The following TSC22D2 variants were observed in gnomAD, a reference collection of about 807,000 sequenced individuals.
The protein encoded by TSC22D2 is TSC22 domain family member 2.
Under a neutral mutation model 50.1 loss-of-function variants are expected in TSC22D2, and 5 were observed. The observed-to-expected ratio is 0.10, with a 90% CI of 0.05 to 0.21. The LOEUF (loss-of-function observed/expected upper bound fraction) is 0.21, where lower values mean the gene tolerates loss of function less well. TSC22D2 is among the 10% of genes least tolerant of loss of function. TSC22D2 has a pLI of 1.00. For synonymous variants in TSC22D2, 501 were observed against 450.1 expected (o/e 1.11, Z -1.43); for missense variants, 1,003 against 1,015.5 (o/e 0.99, Z 0.17).
At chr3:150,457,233 A>C in intron 2 of TSC22D2, 106 bp downstream of exon 2, 1 of 1,038,196 alleles carries the variant, frequency 9.6e-7, no homozygotes, top group Non-Finnish European at 1.4e-6. Flanking sequence ...ACCAAAGATG[A>C]CCAAATCATG....
intron 1 of TSC22D2, among the ~76,000 whole-genome samples, chr3:150,435,477 AT>A (rs1380966101): frequency 1.1e-4 from 16 of 152,086 alleles, no homozygotes; most frequent in African/African-American, 3.9e-4. Context: ...CCCTTTCTCC[AT>A]TTAAAACTAA....
chr3:150,425,979 T>G (rs1720171368), intron 1 of TSC22D2, among the ~76,000 whole-genome samples: 1 of 152,240 alleles, frequency 6.6e-6, no homozygotes. Flanking sequence ...TATCCAGTGC[T>G]TTACTCAGTT....
chr3:150,449,457 T>A (rs1390440470), intron 1 of TSC22D2, among the ~76,000 whole-genome samples: 1 of 152,174 alleles, frequency 6.6e-6, no homozygotes, highest in Non-Finnish European at 1.5e-5. Flanking sequence ...TATAAGCAAA[T>A]CAATGTATAT....
At chr3:150,440,197 A>G in intron 1 of TSC22D2, among the ~76,000 whole-genome samples, 1 of 152,176 alleles carries the variant, frequency 6.6e-6, no homozygotes, top group East Asian at 1.9e-4. Flanking sequence ...GGGTATCAGT[A>G]TGCTGGTATC....
chr3:150,456,865 A>G lies in TSC22D2; in HGVS notation c.1959-211A>G, dbSNP rs922758048. 4 of 521,074 alleles carry G rather than the reference A, an allele frequency of 7.7e-6. No homozygotes were observed. In the African/African-American group the frequency reaches 7.9e-5, roughly 10 times the overall value. The allele number at this position is 521,074 out of a possible 1,614,324, so 32.3% of individuals were successfully genotyped here. On this transcript the variant is annotated intron_variant, in intron 1 of 2. Transcript: ENST00000688009. ...TTACAGGCAAATTAGAAATGTTGGCACTACAAAGGACCTGTAGAAATCATC... is the reference window on the plus strand; with the variant it reads ...TTACAGGCAAATTAGAAATGTTGGCGCTACAAAGGACCTGTAGAAATCATC...
At chr3:150,454,111 G>C (rs377278726) in intron 1 of TSC22D2, among the ~76,000 whole-genome samples, 2 of 152,124 alleles carry the variant, frequency 1.3e-5, no homozygotes, top group South Asian at 2.1e-4. Context: ...AAAAGTTTGC[G>C]AAGATTGGTA....
At chr3:150,423,906 ACT>A (rs1300965741) in intron 1 of TSC22D2, among the ~76,000 whole-genome samples, 13 of 152,056 alleles carry the variant, frequency 8.5e-5, no homozygotes, top group African/African-American at 3.1e-4. Context: ...GATTCTTTTA[ACT>A]CTGCCTGGCA....
chr3:150,408,994 G>T lies in TSC22D2; in HGVS notation c.-357G>T. The T allele has an allele frequency of 5.0e-6, 1 of 201,926 alleles. No individual in the cohort carries two copies. The highest frequency in any genetic ancestry group is 1.0e-5 in the Non-Finnish European group (1 of 96,548). The allele number at this position is 201,926 out of a possible 1,614,324, so 12.5% of individuals were successfully genotyped here. A position where few individuals can be genotyped will look rare whatever the true frequency, so the allele number is the denominator to read the frequency against. On this transcript the variant is annotated 5_prime_UTR_variant, in exon 1 of 3. Coordinates refer to ENST00000688009, the MANE Select transcript of TSC22D2 (RefSeq NM_001303264.2). Reference sequence around the variant, plus strand: ...CCGAGCGCCGAGCTGGACTGACCACGGCTGCCCGGAGACGAGAGAGGAAGC... The same window carrying T: ...CCGAGCGCCGAGCTGGACTGACCACTGCTGCCCGGAGACGAGAGAGGAAGC...
chr3:150,461,797 G>A lies in TSC22D2; in HGVS notation c.*3161G>A, dbSNP rs1432439915. The A allele has an allele frequency of 6.6e-6, 1 of 151,812 alleles. No homozygotes were observed. The highest frequency in any genetic ancestry group is 2.4e-5 in the African/African-American group (1 of 41,314). 9.4% of individuals were successfully genotyped at this position (151,812 alleles called of 1,614,324 possible). A position where few individuals can be genotyped will look rare whatever the true frequency, so the allele number is the denominator to read the frequency against. ...CCATTATTCACAAGAATTTTCACAG[G>A]TGAATGATTATATTTCTCCAAGTTG... is the stretch of plus-strand genomic sequence containing the variant. On this transcript the variant is annotated 3_prime_UTR_variant, in exon 3 of 3. Transcript: ENST00000688009.
In TSC22D2 at chr3:150,458,906, C is replaced by T; in HGVS notation, c.*270C>T. On this transcript the variant is annotated 3_prime_UTR_variant, in exon 3 of 3. Transcript: ENST00000688009. ...CAAAGTCTGCATTTTACCTGGTGCG[C>T]ATGAGTGGGGTCTTTAAGAGTTTTG... 2.8e-6 allele frequency: 1 copy of T among 353,240 alleles called. No homozygotes were observed. Among genetic ancestry groups the T allele is most frequent in the East Asian group, 4.8e-5 (1 of 20,622 alleles). The allele number at this position is 353,240 out of a possible 1,614,324, so 21.9% of individuals were successfully genotyped here. A position where few individuals can be genotyped will look rare whatever the true frequency, so the allele number is the denominator to read the frequency against.
intron 1 of TSC22D2, among the ~76,000 whole-genome samples, chr3:150,450,152 G>A (rs909828336): frequency 8.6e-4 from 131 of 152,024 alleles, no homozygotes; most frequent in Admixed American, 8.6e-3. Context: ...TTTAATCTAC[G>A]CTTTACTGGC....
chr3:150,436,322 C>T (rs532791357), intron 1 of TSC22D2, among the ~76,000 whole-genome samples: 1 of 151,944 alleles, frequency 6.6e-6, no homozygotes, highest in Admixed American at 6.6e-5. Flanking sequence ...AAGCATTTAC[C>T]GTAACAAGGC....
Position 150,459,321 on chromosome 3 carries a change from G to C in TSC22D2, c.*685G>C, listed in dbSNP as rs1396867681. 1 of 152,576 alleles carries C rather than the reference G, an allele frequency of 6.6e-6. No individual in the cohort carries two copies. The highest frequency in any genetic ancestry group is 2.4e-5 in the African/African-American group (1 of 41,446). 9.5% of individuals were successfully genotyped at this position (152,576 alleles called of 1,614,324 possible). A position where few individuals can be genotyped will look rare whatever the true frequency, so the allele number is the denominator to read the frequency against. Reference sequence around the variant, plus strand: ...TGAATGTAAATTTTGTATAGTGTAAGTATGAAGAACATAGTGCAACTGTAC... The same window carrying C: ...TGAATGTAAATTTTGTATAGTGTAACTATGAAGAACATAGTGCAACTGTAC... On this transcript the variant is annotated 3_prime_UTR_variant, in exon 3 of 3. Transcript: ENST00000688009.
At chr3:150,442,508 T>G (rs1387496769) in intron 1 of TSC22D2, among the ~76,000 whole-genome samples, 4 of 152,246 alleles carry the variant, frequency 2.6e-5, no homozygotes, top group Non-Finnish European at 5.9e-5. Context: ...TCTTGTGTAT[T>G]TCATGACATT....
intron 1 of TSC22D2, among the ~76,000 whole-genome samples, chr3:150,453,869 A>G (rs12488333): frequency 0.096 from 14,551 of 152,236 alleles, 921 homozygotes; most frequent in South Asian, 0.29. Flanking sequence ...GCTCAATCTA[A>G]TAGGATCAAC....
At chr3:150,449,428 A>G (rs909837945) in intron 1 of TSC22D2, among the ~76,000 whole-genome samples, 2 of 152,158 alleles carry the variant, frequency 1.3e-5, no homozygotes, top group African/African-American at 4.8e-5. Context: ...TAATGTGTGT[A>G]TATCCTTCTT....
intron 1 of TSC22D2, among the ~76,000 whole-genome samples, chr3:150,447,547 C>G (rs1175469387): frequency 1.3e-5 from 2 of 152,088 alleles, no homozygotes; most frequent in East Asian, 3.9e-4. Context: ...AATTTCTTTT[C>G]TCGTCTTTAT....
chr3:150,443,379 T>C lies in TSC22D2; in HGVS notation c.1959-13697T>C, dbSNP rs376055258. ...TTCATAGCTGCTATAATCAAGAATG[T>C]GGTTTCCAGTTCATGGCCGTAAGTC... On this transcript the variant is annotated intron_variant, in intron 1 of 2. Transcript: ENST00000688009. Among the ~76,000 whole-genome samples the C allele has an allele frequency of 1.2e-3, 183 of 152,358 alleles. 1 individual carries two copies. In the South Asian group the frequency reaches 0.023, roughly 19 times the overall value.
At chr3:150,445,678 G>T (rs1162268364) in intron 1 of TSC22D2, among the ~76,000 whole-genome samples, 2 of 152,124 alleles carry the variant, frequency 1.3e-5, no homozygotes, top group Non-Finnish European at 2.9e-5. Flanking sequence ...GTGTACTGTT[G>T]TAAACAGTCT....
Sources: gnomAD v4.1 joint callset for allele counts (sites outside exome capture counted in the v4.1 genomes callset) on GRCh38, gnomAD v4.1.1 for gene constraint, MANE v1.5 for transcripts, NCBI Gene and HGNC (gene_info 2026-07-23, HGNC 2026-07-21) for gene names.